The following COLEC10 variants were observed in gnomAD, a reference collection of about 807,000 sequenced individuals.
The protein encoded by COLEC10 is collectin subfamily member 10, also known as collectin-10.
COLEC10 carries 22 observed loss-of-function variants against 28.4 expected under a neutral mutation model. The observed-to-expected ratio is 0.78, with a 90% CI of 0.55 to 1.11. The LOEUF (loss-of-function observed/expected upper bound fraction) is 1.11. COLEC10 is among the 50% of genes least tolerant of loss of function. COLEC10 has a pLI of 0.00. For missense variants in COLEC10, 361 were observed against 344.1 expected (o/e 1.05, Z -0.39); for synonymous variants, 125 against 116.1 (o/e 1.08, Z -0.49).
upstream of COLEC10, among the ~76,000 whole-genome samples, chr8:118,992,465 A>G (rs1813518911): frequency 6.6e-6 from 1 of 152,144 alleles, no homozygotes; most frequent in African/African-American, 2.4e-5. Context: ...TCCTAACAGA[A>G]GTGTTGCCTA....
intron 2 of COLEC10, among the ~76,000 whole-genome samples, chr8:119,049,004 A>C (rs1458501161): frequency 6.6e-6 from 1 of 152,058 alleles, no homozygotes; most frequent in East Asian, 1.9e-4. Context: ...GCACTCCCTT[A>C]AGGACCTCTT....
At chr8:119,049,127 G>A (rs961709353) in intron 2 of COLEC10, among the ~76,000 whole-genome samples, 3 of 151,994 alleles carry the variant, frequency 2.0e-5, no homozygotes, top group Non-Finnish European at 4.4e-5. Flanking sequence ...TTCTTGGTTG[G>A]AATTTCTTTT....
chr8:119,013,879 T>G lies in COLEC10; in HGVS notation n.235+4326T>G, dbSNP rs1380384407. On this transcript the variant is annotated intron_variant and non_coding_transcript_variant, in intron 2 of 6. Transcript: ENST00000521788. ...GTATCTTTATGCCTAAAGTTTGTAA[T>G]GTACACTTACAACTAATCCAAGCCC... is the stretch of plus-strand genomic sequence containing the variant. Among the ~76,000 whole-genome samples the G allele has an allele frequency of 1.3e-5, 2 of 150,882 alleles. 1 individual carries two copies. Among genetic ancestry groups the G allele is most frequent in the African/African-American group, 5.0e-5 (2 of 40,358 alleles).
chr8:118,995,252 T>G (rs914951885), upstream of COLEC10, among the ~76,000 whole-genome samples: 3 of 152,204 alleles, frequency 2.0e-5, no homozygotes, highest in African/African-American at 7.2e-5. Flanking sequence ...AGAAAATGCA[T>G]ATAAGTGCCT....
chr8:119,015,231 A>G (rs931647801), intron 2 of COLEC10, among the ~76,000 whole-genome samples: 2 of 150,820 alleles, frequency 1.3e-5, no homozygotes, highest in Admixed American at 1.3e-4. Context: ...AGCATTGTGT[A>G]GGCTTCTGAG....
chr8:118,986,509 A>C, the COLEC10 span, among the ~76,000 whole-genome samples: 1 of 152,200 alleles, frequency 6.6e-6, no homozygotes, highest in Non-Finnish European at 1.5e-5. Context: ...ATATTCAAAG[A>C]AACAATAAAA....
chr8:118,984,681 A>G, the COLEC10 span, among the ~76,000 whole-genome samples: 1 of 152,110 alleles, frequency 6.6e-6, no homozygotes, highest in Non-Finnish European at 1.5e-5. Flanking sequence ...GCCAAGGAAC[A>G]CAAAGAATTG....
chr8:119,102,674 G>T, intron 4 of COLEC10: 1 of 337,354 alleles, frequency 3.0e-6, no homozygotes, highest in Non-Finnish European at 5.3e-6. Context: ...AATTCTTCTG[G>T]GCCAAGAGAA....
At chr8:119,032,574 C>T (rs2130130783) in intron 2 of COLEC10, among the ~76,000 whole-genome samples, 1 of 152,300 alleles carries the variant, frequency 6.6e-6, no homozygotes, top group East Asian at 1.9e-4. Flanking sequence ...TGAGGACCAT[C>T]TCTGTGGAGA....
intron 3 of COLEC10, among the ~76,000 whole-genome samples, chr8:119,099,810 C>T (rs150756067): frequency 1.2e-4 from 19 of 152,280 alleles, no homozygotes; most frequent in African/African-American, 4.6e-4. Context: ...TTCTACCAGG[C>T]TTTTCATTTG....
At chr8:118,957,321 A>G in the COLEC10 span, among the ~76,000 whole-genome samples, 3 of 152,198 alleles carry the variant, frequency 2.0e-5, no homozygotes, top group Non-Finnish European at 2.9e-5. Flanking sequence ...TCAATTTTAG[A>G]GCGGTGATGT....
chr8:119,004,944 A>G (rs1266887432), intron 1 of COLEC10, among the ~76,000 whole-genome samples: 1 of 152,024 alleles, frequency 6.6e-6, no homozygotes, highest in African/African-American at 2.4e-5. Flanking sequence ...TCTTTATACT[A>G]CTAGTTCTCT....
At chr8:119,031,375 T>C (rs974120288) in intron 2 of COLEC10, among the ~76,000 whole-genome samples, 2 of 152,126 alleles carry the variant, frequency 1.3e-5, no homozygotes, top group East Asian at 1.9e-4. Flanking sequence ...ATATTCACAA[T>C]AACATATGAT....
chr8:118,973,668 G>A, the COLEC10 span, among the ~76,000 whole-genome samples: 3 of 151,914 alleles, frequency 2.0e-5, no homozygotes, highest in Non-Finnish European at 4.4e-5. Flanking sequence ...CATAAATCTT[G>A]CTCACTCTCA....
chr8:118,985,980 CA>C, the COLEC10 span, among the ~76,000 whole-genome samples: 255 of 152,184 alleles, frequency 1.7e-3, 2 homozygotes, highest in African/African-American at 5.8e-3. Flanking sequence ...ACTCCACTAC[CA>C]TCTTTGGAGC....
the COLEC10 span, among the ~76,000 whole-genome samples, chr8:118,960,431 G>C: frequency 6.6e-6 from 1 of 152,128 alleles, no homozygotes; most frequent in Non-Finnish European, 1.5e-5. Context: ...CTGATAGCAA[G>C]GTTATGCAAT....
intron 3 of COLEC10, among the ~76,000 whole-genome samples, chr8:119,101,560 TAC>T (rs1210203530): frequency 6.6e-6 from 1 of 152,204 alleles, no homozygotes; most frequent in Non-Finnish European, 1.5e-5. Flanking sequence ...TATAAAGAAG[TAC>T]AGAGAGGGAA....
chr8:119,067,105 C>T, upstream of COLEC10: 1 of 583,764 alleles, frequency 1.7e-6, no homozygotes, highest in South Asian at 2.2e-5. Flanking sequence ...ATGTATGGTC[C>T]ATTTGGAGCA....
At chr8:118,971,005 A>C in the COLEC10 span, among the ~76,000 whole-genome samples, 2 of 151,998 alleles carry the variant, frequency 1.3e-5, no homozygotes, top group Non-Finnish European at 2.9e-5. Flanking sequence ...TCTGTCTACT[A>C]GTCTTCCTAT....
Sources: gnomAD v4.1 joint callset for allele counts (sites outside exome capture counted in the v4.1 genomes callset) on GRCh38, gnomAD v4.1.1 for gene constraint, MANE v1.5 for transcripts, NCBI Gene and HGNC (gene_info 2026-07-23, HGNC 2026-07-21) for gene names.